Variants in RBMS3 observed in about 807,000 individuals in gnomAD.
RBMS3 encodes the protein RNA-binding motif, single-stranded-interacting protein 3.
RBMS3 carries 27 observed loss-of-function variants against 66.8 expected under a neutral mutation model. The observed-to-expected ratio is 0.40, with a 90% CI of 0.30 to 0.56. RBMS3 has a LOEUF of 0.56. RBMS3 is among the 20% of genes least tolerant of loss of function. The pLI, the probability that RBMS3 is intolerant of heterozygous loss-of-function variation, is 0.40. For synonymous variants in RBMS3, 188 were observed against 183.0 expected (o/e 1.03, Z -0.22); for missense variants, 513 against 549.5 (o/e 0.93, Z 0.66).
chr3:29,390,105 A>AG (rs1281115583), intron 1 of RBMS3, among the ~76,000 whole-genome samples: 1 of 152,196 alleles, frequency 6.6e-6, no homozygotes, highest in Non-Finnish European at 1.5e-5. Flanking sequence ...TGTGAAAAAC[A>AG]TCAAGTTTTG....
At position 29,354,356 on chromosome 3, in the gene RBMS3, T is replaced by G. The variant is rs550725187; in HGVS notation, c.75+72600T>G. 1.4e-3 allele frequency among the ~76,000 whole-genome samples: 220 copies of G among 152,274 alleles called. 1 individual carries two copies. Among genetic ancestry groups the G allele is most frequent in the African/African-American group, 5.2e-3 (215 of 41,580 alleles). On this transcript the variant is annotated intron_variant, in intron 1 of 14. Transcript: ENST00000383767. Reference sequence around the variant, plus strand: ...GCCATAATAGACTTTTGTTCATTTATGATGCAAAAATTAACTCTGAAGCAA... The same window carrying G: ...GCCATAATAGACTTTTGTTCATTTAGGATGCAAAAATTAACTCTGAAGCAA...
chr3:29,636,088 A>G (rs2049463890), intron 4 of RBMS3, among the ~76,000 whole-genome samples: 1 of 151,430 alleles, frequency 6.6e-6, no homozygotes, highest in African/African-American at 2.4e-5. Context: ...AGTTAGGGAG[A>G]AAGAATGTAC....
chr3:29,573,972 A>T (rs57921238), intron 3 of RBMS3, among the ~76,000 whole-genome samples: 8,281 of 152,164 alleles, frequency 0.054, 409 homozygotes, highest in African/African-American at 0.14. Context: ...TTGTTTTGTG[A>T]CCTAACACAT....
chr3:29,313,860 T>C (rs2034522406), intron 1 of RBMS3, among the ~76,000 whole-genome samples: 1 of 151,624 alleles, frequency 6.6e-6, no homozygotes, highest in African/African-American at 2.4e-5. Flanking sequence ...CTTGGCCTTA[T>C]TCCCTCCCAG....
chr3:29,302,207 T>C (rs1391478610), intron 1 of RBMS3, among the ~76,000 whole-genome samples: 1 of 151,906 alleles, frequency 6.6e-6, no homozygotes, highest in East Asian at 2.0e-4. Context: ...AGATGAATTA[T>C]CACTATATTG....
intron 3 of RBMS3, among the ~76,000 whole-genome samples, chr3:29,518,213 G>A (rs2044716978): frequency 1.3e-5 from 2 of 152,156 alleles, no homozygotes; most frequent in Admixed American, 1.3e-4. Context: ...GTCAAGAACT[G>A]CAACTGTTTG....
At chr3:29,868,512 GA>G (rs2059414081) in intron 6 of RBMS3, among the ~76,000 whole-genome samples, 1 of 152,152 alleles carries the variant, frequency 6.6e-6, no homozygotes. Flanking sequence ...CTTTGAGGAA[GA>G]AATATTTATC....
chr3:29,960,494 C>T (rs1014587230), intron 12 of RBMS3, among the ~76,000 whole-genome samples: 2 of 152,156 alleles, frequency 1.3e-5, no homozygotes. Context: ...AAGACAGTGT[C>T]CCTCTTTTCA....
At chr3:29,525,147 A>T (rs918838947) in intron 3 of RBMS3, among the ~76,000 whole-genome samples, 3 of 152,194 alleles carry the variant, frequency 2.0e-5, no homozygotes, top group South Asian at 4.1e-4. Context: ...GAGGAAAAAC[A>T]TTAACAAACA....
intron 4 of RBMS3, among the ~76,000 whole-genome samples, chr3:29,677,253 C>G (rs1046237057): frequency 6.6e-6 from 1 of 152,138 alleles, no homozygotes; most frequent in African/African-American, 2.4e-5. Flanking sequence ...GGTGAGGACA[C>G]AAATCCAAAC....
chr3:29,351,886 C>A (rs1214440830), intron 1 of RBMS3, among the ~76,000 whole-genome samples: 1 of 151,880 alleles, frequency 6.6e-6, no homozygotes, highest in Non-Finnish European at 1.5e-5. Flanking sequence ...TACACATGTA[C>A]GTGCTCATAC....
intron 4 of RBMS3, among the ~76,000 whole-genome samples, chr3:29,667,660 A>C (rs1212945127): frequency 6.6e-6 from 1 of 152,210 alleles, no homozygotes; most frequent in African/African-American, 2.4e-5. Context: ...ATTCTGAAGG[A>C]AAGTCTTCTG....
chr3:29,468,585 T>C (rs952896424), intron 2 of RBMS3, among the ~76,000 whole-genome samples: 8 of 152,212 alleles, frequency 5.3e-5, no homozygotes, highest in Admixed American at 6.5e-5. Flanking sequence ...CACTTAATTG[T>C]ATCTTCTAAT....
chr3:29,911,310 A>AT (rs2060508145), intron 10 of RBMS3, among the ~76,000 whole-genome samples: 1 of 152,002 alleles, frequency 6.6e-6, no homozygotes, highest in African/African-American at 2.4e-5. Context: ...AAAGCAAGGT[A>AT]TTTTTACAGG....
intron 4 of RBMS3, among the ~76,000 whole-genome samples, chr3:29,634,157 A>G (rs2049384507): frequency 6.6e-6 from 1 of 151,958 alleles, no homozygotes; most frequent in South Asian, 2.1e-4. Context: ...GGAGAAAGAT[A>G]CATTCATTCC....
intron 6 of RBMS3, among the ~76,000 whole-genome samples, chr3:29,829,853 A>G (rs528323829): frequency 1.3e-5 from 2 of 152,256 alleles, no homozygotes; most frequent in South Asian, 2.1e-4. Context: ...GGAATTATCT[A>G]TTTACACTGC....
chr3:29,716,009 A>G (rs542392438), intron 4 of RBMS3, among the ~76,000 whole-genome samples: 1 of 152,252 alleles, frequency 6.6e-6, no homozygotes, highest in South Asian at 2.1e-4. Context: ...TTGAATTTCA[A>G]TGACTCAAAG....
intron 4 of RBMS3, among the ~76,000 whole-genome samples, chr3:29,635,543 A>G (rs1445737442): frequency 1.3e-5 from 2 of 151,874 alleles, no homozygotes; most frequent in Non-Finnish European, 2.9e-5. Flanking sequence ...CAGGAATGCT[A>G]CATCTCCTGG....
chr3:29,636,038 A>ATGTG (rs10565409), intron 4 of RBMS3, among the ~76,000 whole-genome samples: 56 of 145,346 alleles, frequency 3.9e-4, no homozygotes, highest in African/African-American at 9.3e-4. Flanking sequence ...GTCATCAAGA[A>ATGTG]TGTGTGTGTG....
Sources: allele counts gnomAD v4.1 joint callset (sites outside exome capture counted in the v4.1 genomes callset), GRCh38; gene constraint gnomAD v4.1.1; transcripts MANE v1.5; gene names NCBI Gene and HGNC (gene_info 2026-07-23, HGNC 2026-07-21).